The following MAP2K5 variants were observed in gnomAD, a reference collection of about 807,000 sequenced individuals.
MAP2K5 encodes the protein dual specificity mitogen-activated protein kinase kinase 5.
Under a neutral mutation model 83.1 loss-of-function variants are expected in MAP2K5, and 49 were observed. The observed-to-expected ratio is 0.59, with a 90% CI of 0.47 to 0.75. The LOEUF is 0.75. Among genes scored for constraint, MAP2K5 ranks in the 30% least tolerant of loss-of-function variants. The pLI, the probability that MAP2K5 is intolerant of heterozygous loss-of-function variation, is 0.00. For synonymous variants in MAP2K5, 202 were observed against 191.8 expected, an observed-to-expected ratio of 1.05 and a Z score of -0.44; for missense variants, 457 against 557.5, an observed-to-expected ratio of 0.82 and a Z score of 1.82.
intron 13 of MAP2K5, among the ~76,000 whole-genome samples, chr15:67,682,649 T>C (rs912934689): frequency 4.0e-5 from 6 of 150,430 alleles, no homozygotes; most frequent in Non-Finnish European, 7.4e-5. Context: ...CTGGCTAATA[T>C]GGTGAAACCC....
chr15:67,623,674 C>T (rs548553401), intron 8 of MAP2K5, among the ~76,000 whole-genome samples: 4 of 150,186 alleles, frequency 2.7e-5, no homozygotes, highest in East Asian at 2.0e-4. Flanking sequence ...CTCGGCTCAT[C>T]GTAACCTCCA....
At chr15:67,805,120 G>A (rs1173888440) in intron 21 of MAP2K5, among the ~76,000 whole-genome samples, 1 of 152,240 alleles carries the variant, frequency 6.6e-6, no homozygotes, top group Non-Finnish European at 1.5e-5. Flanking sequence ...AGTCTCAGCG[G>A]GTCCCTGCCC....
At chr15:67,582,547 C>G (rs756468214) in intron 4 of MAP2K5, among the ~76,000 whole-genome samples, 1 of 152,086 alleles carries the variant, frequency 6.6e-6, no homozygotes, top group Non-Finnish European at 1.5e-5. Context: ...AGGCAGGGCA[C>G]AGTGGTTCAT....
At chr15:67,682,508 C>T (rs2087842888) in intron 13 of MAP2K5, among the ~76,000 whole-genome samples, 1 of 149,242 alleles carries the variant, frequency 6.7e-6, no homozygotes, top group Non-Finnish European at 1.5e-5. Flanking sequence ...CAGGTGTGAG[C>T]CACTGCGCCT....
intron 15 of MAP2K5, among the ~76,000 whole-genome samples, chr15:67,699,057 C>G (rs377525126): frequency 6.6e-6 from 1 of 152,002 alleles, no homozygotes; most frequent in Admixed American, 6.5e-5. Flanking sequence ...ATGAGGACAT[C>G]AGCTTCTAGT....
intron 5 of MAP2K5, among the ~76,000 whole-genome samples, chr15:67,586,212 A>C (rs921380450): frequency 6.6e-6 from 1 of 152,216 alleles, no homozygotes; most frequent in Non-Finnish European, 1.5e-5. Flanking sequence ...CAAAGATTTT[A>C]GTAAGAATAT....
Position 67,702,414 on chromosome 15 carries a change from A to G in MAP2K5, c.973-923A>G, listed in dbSNP as rs2088443948. On this transcript the variant is annotated intron_variant, in intron 15 of 21. Transcript: ENST00000178640. This position sits in a 1 kb window ranked among gnomAD's most constrained non-coding sequence, Gnocchi z 4.6. ...CAGTTCCATATGAATACATCCTGGT[A>G]TCTATTGAATTGGATATTGGGGTGT... Among the ~76,000 whole-genome samples, 1 of 152,206 alleles carries G rather than the reference A, an allele frequency of 6.6e-6. No individual in the cohort carries two copies. Among genetic ancestry groups the G allele is most frequent in the South Asian group, 2.1e-4 (1 of 4,832 alleles).
intron 19 of MAP2K5, among the ~76,000 whole-genome samples, chr15:67,751,345 G>T (rs954607640): frequency 1.3e-5 from 2 of 152,142 alleles, no homozygotes; most frequent in East Asian, 3.8e-4. Flanking sequence ...CTGAATTGTC[G>T]CTGGCTAGCT....
intron 16 of MAP2K5, among the ~76,000 whole-genome samples, chr15:67,704,540 A>ATC (rs1803904456): frequency 6.6e-6 from 1 of 152,240 alleles, no homozygotes; most frequent in African/African-American, 2.4e-5. Flanking sequence ...TAAGGAAATA[A>ATC]TCTTCAAACT....
Position 67,562,986 on chromosome 15 carries a change from C to A in MAP2K5, c.185-297C>A, listed in dbSNP as rs2084767856. Among the ~76,000 whole-genome samples, 1 of 152,044 alleles carries A rather than the reference C, an allele frequency of 6.6e-6. No individual in the cohort carries two copies. The highest frequency in any genetic ancestry group is 6.6e-5 in the Admixed American group (1 of 15,258). ...ACTGGCCTCTCGTTGGTTTTTAGTT[C>A]CGCTAACCAAACCTGTTTTGTCATA... is the stretch of plus-strand genomic sequence containing the variant. On this transcript the variant is annotated intron_variant, in intron 2 of 21. Coordinates refer to ENST00000178640, the MANE Select transcript of MAP2K5 (RefSeq NM_145160.3). This position sits in a 1 kb window ranked among gnomAD's most constrained non-coding sequence, Gnocchi z 4.1.
In MAP2K5 at chr15:67,632,885, G is replaced by A. The variant is rs114194155; in HGVS notation, c.585+1958G>A. Reference sequence around the variant, plus strand: ...TCACATCTAGTACAGCACCTAGAATGTGTTACGTGGCATTATCAAGTTTAG... The same window carrying A: ...TCACATCTAGTACAGCACCTAGAATATGTTACGTGGCATTATCAAGTTTAG... On this transcript the variant is annotated intron_variant, in intron 9 of 21. Coordinates refer to ENST00000178640, the MANE Select transcript of MAP2K5 (RefSeq NM_145160.3). Among the ~76,000 whole-genome samples the A allele has an allele frequency of 5.5e-3, 839 of 152,302 alleles. 12 individuals are homozygous for A. The highest frequency in any genetic ancestry group is 0.019 in the African/African-American group (788 of 41,566).
rs1048260879 is a variant in MAP2K5 at position 67,780,450 on chromosome 15, T to C, written c.1242+7698T>C. Among the ~76,000 whole-genome samples the C allele has an allele frequency of 6.6e-6, 1 of 152,198 alleles. No individual in the cohort carries two copies. Among genetic ancestry groups the C allele is most frequent in the Non-Finnish European group, 1.5e-5 (1 of 68,022 alleles). The stretch of plus-strand genomic sequence containing the variant: ...TGTCATTTAGGCAAAACAGTGTTGG[T>C]TGCACATGCTATTCTCTCTAATCCA... On this transcript the variant is annotated intron_variant, in intron 21 of 21. Coordinates refer to ENST00000178640, the MANE Select transcript of MAP2K5 (RefSeq NM_145160.3). This position sits in a 1 kb window ranked among gnomAD's most constrained non-coding sequence, Gnocchi z 5.0.
rs1313028255 is a variant in MAP2K5, at chr15:67,572,352, GA to G, written c.253-8401del. 1.7e-4 allele frequency among the ~76,000 whole-genome samples: 26 copies of G among 152,292 alleles called. No homozygotes were observed. The East Asian group carries it at 4.4e-3, about 26-fold the overall frequency. On this transcript the variant is annotated intron_variant, in intron 3 of 21. Transcript: ENST00000178640. This position sits in a 1 kb window ranked among gnomAD's most constrained non-coding sequence, Gnocchi z 4.2. ...ATATCTCATATTGTCAGAGGCATTT[GA>G]GCCATAGCAACTCTGTTAGTCTGTT...
intron 8 of MAP2K5, chr15:67,628,501 TAAAAA>T (rs895802089): frequency 4.3e-6 from 3 of 694,292 alleles, no homozygotes; most frequent in African/African-American, 1.8e-5. Context: ...AAATAAAAAA[TAAAAA>T]AAAGACACTG....
chr15:67,595,865 A>T (rs2085513328), intron 7 of MAP2K5, among the ~76,000 whole-genome samples: 1 of 152,198 alleles, frequency 6.6e-6, no homozygotes, highest in African/African-American at 2.4e-5. Context: ...TTGGCCCTTG[A>T]TTTGAAACTC....
At position 67,769,689 on chromosome 15, in the gene MAP2K5, GCCCTC is replaced by G. The variant is rs2090105601; in HGVS notation, c.1196+27_1196+31del. Reference sequence around the variant, plus strand: ...GTGAGCCCGTTTACAAACATGCCATGCCCTCAATGTAAATGATACATGCCATTAAC... The same window carrying G: ...GTGAGCCCGTTTACAAACATGCCATGAATGTAAATGATACATGCCATTAAC... On this transcript the variant is annotated intron_variant, in intron 20 of 21. Transcript: ENST00000178640. The surrounding 1 kb of genome is among the most constrained non-coding windows in gnomAD (Gnocchi z 5.2). 6.2e-7 allele frequency: 1 copy of G among 1,611,172 alleles called. No individual in the cohort carries two copies. Among genetic ancestry groups the G allele is most frequent in the Non-Finnish European group, 8.5e-7 (1 of 1,177,782 alleles).
chr15:67,739,435 TATATATATATATATATATATATATATA>T (rs1386677777), intron 17 of MAP2K5, among the ~76,000 whole-genome samples: 1 of 8,688 alleles, frequency 1.2e-4, no homozygotes, highest in African/African-American at 6.2e-4. Flanking sequence ...TATATATATA[TATATATATATATATATATATATATATA>T]TTTTTTTTTT....
chr15:67,710,528 G>T (rs1383187745), intron 16 of MAP2K5, among the ~76,000 whole-genome samples: 2 of 116,428 alleles, frequency 1.7e-5, no homozygotes, highest in Non-Finnish European at 1.7e-5. Context: ...TTTTGAGATA[G>T]AGTCTCGCTC....
chr15:67,644,525 A>G lies in MAP2K5; in HGVS notation c.586-1706A>G, dbSNP rs2086787881. Among the ~76,000 whole-genome samples the G allele has an allele frequency of 1.3e-5, 2 of 152,194 alleles. No individual in the cohort carries two copies. Among genetic ancestry groups the G allele is most frequent in the Non-Finnish European group, 2.9e-5 (2 of 68,040 alleles). On this transcript the variant is annotated intron_variant, in intron 9 of 21. Transcript: ENST00000178640. This position sits in a 1 kb window ranked among gnomAD's most constrained non-coding sequence, Gnocchi z 4.6. ...TGAAATAAACTAGAATTTATTCTAG[A>G]TAAGTTTATAAATATTTTATATTTA...
Sources: gnomAD v4.1 joint callset for allele counts (sites outside exome capture counted in the v4.1 genomes callset) on GRCh38, gnomAD v4.1.1 for gene constraint, Gnocchi (gnomAD v3.1) non-coding constraint, MANE v1.5 for transcripts, NCBI Gene and HGNC (gene_info 2026-07-23, HGNC 2026-07-21) for gene names.